Variants in GSC2 observed in about 807,000 individuals in gnomAD.
GSC2 encodes goosecoid homeobox 2.
A neutral mutation model predicts 11.3 loss-of-function variants in GSC2; 12 were observed. The ratio of observed to expected loss-of-function variants is 1.06; its 90% CI spans 0.68 to 1.72. The LOEUF is 1.72. Ranked by LOEUF, GSC2 falls within the 40% of genes most tolerant of loss-of-function variation. GSC2 has a pLI of 0.00. For synonymous variants in GSC2, 148 were observed against 110.0 expected (o/e 1.35, Z -2.16); for missense variants, 310 against 235.7 (o/e 1.32, Z -2.06).
intron 2 of GSC2, 24 bp from the exon 3 acceptor site, chr22:19,149,119 C>A: frequency 1.4e-6 from 2 of 1,413,896 alleles, no homozygotes; most frequent in South Asian, 1.3e-5. Flanking sequence ...GAATGCTCAG[C>A]CCTAGCCCCA....
chr22:19,148,694 G>C lies in GSC2; in HGVS notation c.*297C>G, dbSNP rs1414131252. 2.6e-6 allele frequency: 1 copy of C among 383,656 alleles called. No individual in the cohort carries two copies. The allele number at this position is 383,656 out of a possible 1,614,324, so 23.8% of individuals were successfully genotyped here. A position where few individuals can be genotyped will look rare whatever the true frequency, so the allele number is the denominator to read the frequency against. On this transcript the variant is annotated 3_prime_UTR_variant, in exon 3 of 3. Coordinates refer to ENST00000086933, the MANE Select transcript of GSC2 (RefSeq NM_005315.2). ...CTGGGTCCCGTGTTGATACGGGGTGGTTCCCCTCCTGCGGTGGAGTTAGTG... is the reference window on the plus strand; with the variant it reads ...CTGGGTCCCGTGTTGATACGGGGTGCTTCCCCTCCTGCGGTGGAGTTAGTG...
chr22:19,150,095 G>C lies in GSC2; in HGVS notation c.189C>G (p.Pro63=). 1.0e-6 allele frequency: 1 copy of C among 1,003,470 alleles called. No homozygotes were observed. Among genetic ancestry groups the C allele is most frequent in the South Asian group, 4.5e-5 (1 of 22,222 alleles). The allele number at this position is 1,003,470 out of a possible 1,614,324, so 62.2% of individuals were successfully genotyped here. ...GGCCGCAGCAGCAGCAGCAGGCGCAGGGCGCAGCCTCGGGCGCCCCGGGCT... is the reference window on the plus strand; with the variant it reads ...GGCCGCAGCAGCAGCAGCAGGCGCACGGCGCAGCCTCGGGCGCCCCGGGCT... The part of the protein sequence containing the change: ...PEEPGAPEAA[P]CACCCCCGPR... The change falls in exon 1 of 3, where the codon CCC becomes CCG. Residue 63 remains proline (P), a synonymous_variant. Coordinates refer to ENST00000086933, the MANE Select transcript of GSC2 (RefSeq NM_005315.2).
Position 19,150,244 on chromosome 22 carries a change from C to T in GSC2, c.40G>A (p.Ala14Thr). 1 of 262,298 alleles carries T rather than the reference C, an allele frequency of 3.8e-6. No individual in the cohort carries two copies. Among genetic ancestry groups the T allele is most frequent in the Non-Finnish European group, 6.6e-6 (1 of 152,466 alleles). 16.2% of individuals were successfully genotyped at this position (262,298 alleles called of 1,614,324 possible). The stretch of plus-strand genomic sequence containing the variant: ...ATGGAGAAGGGGCAGGGCCGCCCGG[C>T]ACCCCGGCGGCTCGCCGCGCCCCCA... ...AAGGAASRRGAGRPCPFSIEH... is the reference protein window; with the variant it reads ...AAGGAASRRGTGRPCPFSIEH... The change falls in exon 1 of 3, where the codon GCC becomes ACC. Residue 14 changes from alanine (A) to threonine (T), a missense_variant. By Grantham distance (58) the Ala-to-Thr change is moderately conservative. Transcript: ENST00000086933.
At chr22:19,149,372 A>C (rs1317288483) in intron 2 of GSC2, among the ~76,000 whole-genome samples, 3 of 152,174 alleles carry the variant, frequency 2.0e-5, no homozygotes, top group Non-Finnish European at 4.4e-5. Flanking sequence ...GGCTCTTCTG[A>C]ATTTCCCAAA....
rs1555917857 is a variant in GSC2 at position 19,149,093 on chromosome 22, G to A, written c.516C>T (p.Val172=). 1.3e-6 allele frequency: 2 copies of A among 1,572,842 alleles called. No individual in the cohort carries two copies. The highest frequency in any genetic ancestry group is 1.8e-5 in the Admixed American group (1 of 55,632). Residue 172 remains valine, a splice_region_variant and synonymous_variant, in exon 3 of 3, where the codon GTC becomes GTT. Transcript: ENST00000086933. The stretch of plus-strand genomic sequence containing the variant: ...ATTTGGCCCGGCGGTTCTTGAACCA[G>A]ACCTGGGGATGGGGGGAATGCTCAG... ...RIRLREERVE[V]WFKNRRAKWR...
rs371048481 is a variant in GSC2 at position 19,149,793 on chromosome 22, C to T, written c.383G>A (p.Arg128His). Residue 128 changes from arginine (R) to histidine (H), a missense_variant, in exon 2 of 3, where the codon CGC becomes CAC. By Grantham distance (29) the Arg-to-His change is conservative. Transcript: ENST00000086933. Reference protein sequence around the residue: ...VGPGSQRRTRRHRTIFSEEQL... With the variant: ...VGPGSQRRTRHHRTIFSEEQL... ...CTCTTCGCTGAAGATGGTGCGGTGG[C>T]GCCTCGTGCGCCGCTGCGAACCCGG... The T allele has an allele frequency of 2.8e-5, 45 of 1,583,994 alleles. No homozygotes were observed. The African/African-American group carries it at 5.3e-4, about 19-fold the overall frequency.
rs1260536511 is a variant in GSC2, at chr22:19,147,326, C to T, written c.*1665G>A. On this transcript the variant is annotated 3_prime_UTR_variant, in exon 3 of 3. Coordinates refer to ENST00000086933, the MANE Select transcript of GSC2 (RefSeq NM_005315.2). Reference sequence around the variant, plus strand: ...AGAGGGTGAAGATGAGAAGCGAGCGCCTGGGTGTGAGCGTGAAGGATGCCT... The same window carrying T: ...AGAGGGTGAAGATGAGAAGCGAGCGTCTGGGTGTGAGCGTGAAGGATGCCT... Among the ~76,000 whole-genome samples, 1 of 152,096 alleles carries T rather than the reference C, an allele frequency of 6.6e-6. No homozygotes were observed. The highest frequency in any genetic ancestry group is 1.5e-5 in the Non-Finnish European group (1 of 68,030).
In GSC2 at chr22:19,150,249, C is replaced by T. The variant is rs782778267; in HGVS notation, c.35G>A (p.Arg12Gln). ...GAAGGGGCAGGGCCGCCCGGCACCC[C>T]GGCGGCTCGCCGCGCCCCCAGCCGC... Reference protein sequence around the residue: ...AAAAGGAASRRGAGRPCPFSI... With the variant: ...AAAAGGAASRQGAGRPCPFSI... The change falls in exon 1 of 3, where the codon CGG (arginine) becomes CAG (glutamine). Residue 12 changes from arginine to glutamine, a missense_variant. Coordinates refer to ENST00000086933, the MANE Select transcript of GSC2 (RefSeq NM_005315.2). 1.2e-5 allele frequency: 3 copies of T among 243,402 alleles called. No individual in the cohort carries two copies. Among genetic ancestry groups the T allele is most frequent in the South Asian group, 9.1e-5 (1 of 11,046 alleles). 15.1% of individuals were successfully genotyped at this position (243,402 alleles called of 1,614,324 possible).
At position 19,148,661 on chromosome 22, in the gene GSC2, G is replaced by C. The variant is rs1459907656; in HGVS notation, c.*330C>G. On this transcript the variant is annotated 3_prime_UTR_variant, in exon 3 of 3. Transcript: ENST00000086933. ...AGGGTGCGGAGAGACGCTCCACTGC[G>C]TAGGATTCTGGGTCCCGTGTTGATA... The C allele has an allele frequency of 6.7e-6, 2 of 298,376 alleles. No homozygotes were observed. The highest frequency in any genetic ancestry group is 4.4e-5 in the African/African-American group (2 of 45,594). The allele number at this position is 298,376 out of a possible 1,614,324, so 18.5% of individuals were successfully genotyped here.
chr22:19,149,970 C>T (rs1304955338), intron 1 of GSC2, 54 bp from the exon 2 acceptor site: 1 of 1,186,184 alleles, frequency 8.4e-7, no homozygotes, highest in African/African-American at 1.6e-5. Context: ...TCGGCACCCA[C>T]TGCGCCGCGC....
intron 2 of GSC2, 102 bp from the exon 3 acceptor site, chr22:19,149,197 T>A: frequency 1.4e-6 from 1 of 705,404 alleles, no homozygotes; most frequent in South Asian, 2.1e-5. Flanking sequence ...AACAGGGATG[T>A]GGGCGGACGG....
rs117340500 is a variant in GSC2, at chr22:19,148,018, G to A, written c.*973C>T. Among the ~76,000 whole-genome samples the A allele has an allele frequency of 0.035, 5,402 of 152,246 alleles. 129 individuals carry two copies. Among genetic ancestry groups the A allele is most frequent in the East Asian group, 0.089 (459 of 5,178 alleles). Reference sequence around the variant, plus strand: ...GGCAGGCATCTTCCCAGGCAGCAGGGGCGGGGTCTCCCCAGTCCAACCTCC... The same window carrying A: ...GGCAGGCATCTTCCCAGGCAGCAGGAGCGGGGTCTCCCCAGTCCAACCTCC... On this transcript the variant is annotated 3_prime_UTR_variant, in exon 3 of 3. Coordinates refer to ENST00000086933, the MANE Select transcript of GSC2 (RefSeq NM_005315.2).
At position 19,148,508 on chromosome 22, in the gene GSC2, G is replaced by A. The variant is rs782257498; in HGVS notation, c.*483C>T. 1 of 153,976 alleles carries A rather than the reference G, an allele frequency of 6.5e-6. No individual in the cohort carries two copies. The highest frequency in any genetic ancestry group is 2.4e-5 in the African/African-American group (1 of 41,486). The allele number at this position is 153,976 out of a possible 1,614,324, so 9.5% of individuals were successfully genotyped here. A position where few individuals can be genotyped will look rare whatever the true frequency, so the allele number is the denominator to read the frequency against. On this transcript the variant is annotated 3_prime_UTR_variant, in exon 3 of 3. Transcript: ENST00000086933. ...GGTCCAGATACCAAGACCCAGCCCA[G>A]GGCCTGGGAAGCCTGCAACGCCAGG...
chr22:19,149,752 C>T lies in GSC2; in HGVS notation c.424G>A (p.Glu142Lys). The change falls in exon 2 of 3, where the codon GAG becomes AAG. Residue 142 changes from glutamate (E) to lysine (K), a missense_variant. Transcript: ENST00000086933. ...IFSEEQLQALEALFVQNQYPD... is the reference protein window; with the variant it reads ...IFSEEQLQALKALFVQNQYPD... ...TACTGGTTCTGCACGAAAAGCGCCT[C>T]GAGCGCCTGCAGCTGCTCTTCGCTG... 6.3e-7 allele frequency: 1 copy of T among 1,595,444 alleles called. No homozygotes were observed. Among genetic ancestry groups the T allele is most frequent in the Non-Finnish European group, 8.5e-7 (1 of 1,172,776 alleles).
Position 19,149,090 on chromosome 22 carries a change from CCAGACCTGGGGATGGGGGGAATGCT to C in GSC2, c.514-20_518del. On this transcript the variant is annotated splice_acceptor_variant and splice_polypyrimidine_tract_variant and coding_sequence_variant and intron_variant, in exon 3 of 3. Coordinates refer to ENST00000086933, the MANE Select transcript of GSC2 (RefSeq NM_005315.2). LOFTEE classifies it high-confidence loss of function. ...GCCATTTGGCCCGGCGGTTCTTGAA[CCAGACCTGGGGATGGGGGGAATGCT>C]CAGCCCTAGCCCCAGGTCCTGCGTC... 1 of 1,579,432 alleles carries C rather than the reference CCAGACCTGGGGATGGGGGGAATGCT, an allele frequency of 6.3e-7. No homozygotes were observed. The highest frequency in any genetic ancestry group is 8.6e-7 in the Non-Finnish European group (1 of 1,160,516).
Position 19,149,802 on chromosome 22 carries a change from C to T in GSC2, c.374G>A (p.Arg125His). 1.9e-6 allele frequency: 3 copies of T among 1,580,980 alleles called. No homozygotes were observed. The highest frequency in any genetic ancestry group is 1.7e-6 in the Non-Finnish European group (2 of 1,166,726). ...PGAVGPGSQR[R>H]TRRHRTIFSE... is the part of the protein sequence containing the mutation. ...GAAGATGGTGCGGTGGCGCCTCGTG[C>T]GCCGCTGCGAACCCGGGCCGACCGC... Residue 125 changes from arginine (R) to histidine (H), a missense_variant, in exon 2 of 3, where the codon CGC becomes CAC. Physicochemically the swap from Arg to His is conservative, Grantham distance 29. Transcript: ENST00000086933.
intron 2 of GSC2, among the ~76,000 whole-genome samples, 172 bp from the exon 3 acceptor site, chr22:19,149,267 C>G (rs987577386): frequency 1.3e-5 from 2 of 152,198 alleles, no homozygotes. Context: ...TCGCTGCGGA[C>G]AGACTCGGTG....
intron 2 of GSC2, among the ~76,000 whole-genome samples, chr22:19,149,419 G>C (rs1177555827): frequency 6.6e-6 from 1 of 152,246 alleles, no homozygotes; most frequent in South Asian, 2.1e-4. Context: ...CGTCACCAGA[G>C]GAAAGTGTAA....
rs928440742 is a variant in GSC2, at chr22:19,148,728, G to C, written c.*263C>G. On this transcript the variant is annotated 3_prime_UTR_variant, in exon 3 of 3. Transcript: ENST00000086933. ...CTGCGGTGGAGTTAGTGTCTCTCGG[G>C]GGGTAGGGAGCTGAGGAAACTGCTC... is the stretch of plus-strand genomic sequence containing the variant. 3.1e-5 allele frequency: 14 copies of C among 453,602 alleles called. No homozygotes were observed. The highest frequency in any genetic ancestry group is 2.2e-4 in the African/African-American group (11 of 49,082). 28.1% of individuals were successfully genotyped at this position (453,602 alleles called of 1,614,324 possible). A position where few individuals can be genotyped will look rare whatever the true frequency, so the allele number is the denominator to read the frequency against.
Sources: allele counts gnomAD v4.1 joint callset (sites outside exome capture counted in the v4.1 genomes callset), GRCh38; gene constraint gnomAD v4.1.1; transcripts MANE v1.5; gene names NCBI Gene and HGNC (gene_info 2026-07-23, HGNC 2026-07-21).